CCL28: variants seen among roughly 807,000 people sequenced by gnomAD.
The protein encoded by CCL28 is C-C motif chemokine 28.
CCL28 carries 4 observed loss-of-function variants against 7.1 expected under a neutral mutation model. The ratio of observed to expected loss-of-function variants is 0.56; its 90% CI spans 0.28 to 1.29. The LOEUF (loss-of-function observed/expected upper bound fraction) is 1.29. Among genes scored for constraint, CCL28 ranks in the 50% most tolerant of loss-of-function variants. The pLI, the probability that CCL28 is intolerant of heterozygous loss-of-function variation, is 0.11. For missense variants in CCL28, 151 were observed against 163.4 expected, an observed-to-expected ratio of 0.92 and a Z score of 0.41; for synonymous variants, 55 against 57.8, an observed-to-expected ratio of 0.95 and a Z score of 0.22.
chr5:43,365,580 ATC>A, the CCL28 span, among the ~76,000 whole-genome samples: 3 of 151,512 alleles, frequency 2.0e-5, no homozygotes, highest in Admixed American at 2.0e-4. Flanking sequence ...GGTGACAAAA[ATC>A]TCTCAGCATT....
intron 2 of CCL28, among the ~76,000 whole-genome samples, chr5:43,382,321 G>A (rs1014823821): frequency 3.3e-5 from 5 of 152,088 alleles, no homozygotes; most frequent in South Asian, 2.1e-4. Context: ...GGAATTGGAT[G>A]AGGAAGAGAA....
At chr5:43,400,021 A>AT (rs1341441682) in intron 1 of CCL28, among the ~76,000 whole-genome samples, 2 of 151,634 alleles carry the variant, frequency 1.3e-5, no homozygotes, top group Non-Finnish European at 2.9e-5. Flanking sequence ...AATTTTTAAA[A>AT]TTTTTTGCAG....
In CCL28 at chr5:43,380,883, CAATTA is replaced by C. The variant is rs1740084599; in HGVS notation, c.*972_*976del. On this transcript the variant is annotated 3_prime_UTR_variant, in exon 3 of 3. Coordinates refer to ENST00000361115, the MANE Select transcript of CCL28 (RefSeq NM_148672.3). ...ATTGAAAGATATTAAAGAAAAATAA[CAATTA>C]TTTGCAATATGTATGTCAACCTTGA... The C allele has an allele frequency of 5.3e-5, 8 of 150,226 alleles. No individual in the cohort carries two copies. The highest frequency in any genetic ancestry group is 2.0e-4 in the African/African-American group (8 of 40,914). The allele number at this position is 150,226 out of a possible 1,614,324, so 9.3% of individuals were successfully genotyped here.
chr5:43,384,305 T>C (rs1740247946), intron 2 of CCL28, among the ~76,000 whole-genome samples: 1 of 152,130 alleles, frequency 6.6e-6, no homozygotes, highest in Non-Finnish European at 1.5e-5. Flanking sequence ...ACAACTAGCA[T>C]GTGGGCTTTT....
intron 1 of CCL28, among the ~76,000 whole-genome samples, chr5:43,390,988 G>A (rs1348595579): frequency 6.6e-6 from 1 of 152,144 alleles, no homozygotes; most frequent in Non-Finnish European, 1.5e-5. Flanking sequence ...GTTTGCTCTG[G>A]CATTTTTGAG....
the CCL28 span, among the ~76,000 whole-genome samples, chr5:43,365,655 A>G: frequency 1.3e-5 from 2 of 152,132 alleles, no homozygotes; most frequent in African/African-American, 4.8e-5. Flanking sequence ...CTCTTCTTGA[A>G]GAGTATCTTT....
chr5:43,407,318 G>A (rs554630623), intron 1 of CCL28, among the ~76,000 whole-genome samples: 1 of 152,236 alleles, frequency 6.6e-6, no homozygotes, highest in Admixed American at 6.5e-5. Context: ...GAACAGAACA[G>A]AGTCCTCGGA....
rs141824044 is a variant in CCL28, at chr5:43,412,045, T to C, written c.64+208A>G. Among the ~76,000 whole-genome samples, 153 of 152,352 alleles carry C rather than the reference T, an allele frequency of 1.0e-3. 1 individual carries two copies. Among genetic ancestry groups the C allele is most frequent in the African/African-American group, 3.5e-3 (146 of 41,584 alleles). On this transcript the variant is annotated intron_variant, in intron 1 of 2. Coordinates refer to ENST00000361115, the MANE Select transcript of CCL28 (RefSeq NM_148672.3). ...TCCTCCAGGTGGCAAAAATTTGTAG[T>C]ATGCCTGTTAGAATGAGGTTCCTTC...
intron 1 of CCL28, among the ~76,000 whole-genome samples, chr5:43,404,349 ATATT>A (rs1353901397): frequency 6.6e-5 from 10 of 152,228 alleles, no homozygotes; most frequent in Non-Finnish European, 1.5e-4. Context: ...GTAGGGGCCA[ATATT>A]CAACATTCTT....
At chr5:43,408,372 A>T (rs960074188) in intron 1 of CCL28, among the ~76,000 whole-genome samples, 6 of 152,210 alleles carry the variant, frequency 3.9e-5, no homozygotes, top group Non-Finnish European at 7.3e-5. Flanking sequence ...CATCATTCTG[A>T]GCAAACTATT....
chr5:43,365,749 G>A, the CCL28 span, among the ~76,000 whole-genome samples: 4 of 152,214 alleles, frequency 2.6e-5, no homozygotes, highest in Admixed American at 1.3e-4. Context: ...ATCCTGAAGA[G>A]TGTTTTCCAA....
At chr5:43,402,741 C>T (rs1047228642) in intron 1 of CCL28, among the ~76,000 whole-genome samples, 8 of 152,156 alleles carry the variant, frequency 5.3e-5, no homozygotes, top group Admixed American at 1.3e-4. Context: ...TGCAAGGGGT[C>T]GGGGAATTCC....
At chr5:43,362,733 T>C in the CCL28 span, among the ~76,000 whole-genome samples, 1 of 152,218 alleles carries the variant, frequency 6.6e-6, no homozygotes, top group Non-Finnish European at 1.5e-5. Context: ...TGGCCTGATT[T>C]TAACATTCGA....
chr5:43,396,917 G>A (rs1740831622), intron 1 of CCL28: 2 of 152,248 alleles, frequency 1.3e-5, no homozygotes, highest in African/African-American at 4.8e-5. Context: ...AAGGAAGAGC[G>A]CGGGAAGTGC....
chr5:43,405,666 T>C (rs1000421964), intron 1 of CCL28, among the ~76,000 whole-genome samples: 1 of 152,018 alleles, frequency 6.6e-6, no homozygotes, highest in Non-Finnish European at 1.5e-5. Flanking sequence ...CTGGAGGAGA[T>C]AGACAAACAA....
chr5:43,394,793 TA>T (rs1391581322), intron 1 of CCL28, among the ~76,000 whole-genome samples: 7 of 152,172 alleles, frequency 4.6e-5, no homozygotes, highest in Non-Finnish European at 8.8e-5. Context: ...GTTACTTTGC[TA>T]AATGCCTAGA....
the CCL28 span, among the ~76,000 whole-genome samples, chr5:43,364,136 CAAAGT>C: frequency 6.6e-6 from 1 of 152,030 alleles, no homozygotes; most frequent in African/African-American, 2.4e-5. Flanking sequence ...AGTTTACTAG[CAAAGT>C]AAAGGAATAA....
At chr5:43,399,273 C>T (rs1441037950) in intron 1 of CCL28, among the ~76,000 whole-genome samples, 1 of 152,168 alleles carries the variant, frequency 6.6e-6, no homozygotes, top group Non-Finnish European at 1.5e-5. Context: ...GATCTGTCTC[C>T]TCTTTCTCCT....
At chr5:43,394,255 T>C (rs1187044270) in intron 1 of CCL28, among the ~76,000 whole-genome samples, 2 of 152,234 alleles carry the variant, frequency 1.3e-5, no homozygotes, top group African/African-American at 2.4e-5. Flanking sequence ...CAAAACTTGA[T>C]ACAATAAGTC....
Sources: gnomAD v4.1 joint callset for allele counts (sites outside exome capture counted in the v4.1 genomes callset) on GRCh38, gnomAD v4.1.1 for gene constraint, MANE v1.5 for transcripts, NCBI Gene and HGNC (gene_info 2026-07-23, HGNC 2026-07-21) for gene names.